Variants in CCDC102A observed in about 807,000 individuals in gnomAD.
The protein encoded by CCDC102A is coiled-coil domain-containing protein 102A.
In CCDC102A, 40 loss-of-function variants were observed where a neutral mutation model predicts 55.5. The ratio of observed to expected loss-of-function variants is 0.72; its 90% CI spans 0.56 to 0.94. The LOEUF is 0.94. Among genes scored for constraint, CCDC102A ranks in the 40% least tolerant of loss-of-function variants. CCDC102A has a pLI of 0.00. For missense variants in CCDC102A, 779 were observed against 768.6 expected, an observed-to-expected ratio of 1.01 and a Z score of -0.16; for synonymous variants, 323 against 339.0, an observed-to-expected ratio of 0.95 and a Z score of 0.52.
Position 57,529,329 on chromosome 16 carries a change from G to A in CCDC102A, c.-147-5C>T. On this transcript the variant is annotated splice_polypyrimidine_tract_variant and splice_region_variant and intron_variant, in intron 1 of 8. Transcript: ENST00000258214. This position sits in a 1 kb window ranked among gnomAD's most constrained non-coding sequence, Gnocchi z 4.1. ...GCGGAGGACGCCTCCTCGGACCTAC[G>A]GGAGAACACAACCGTTATTGGACTG... The A allele has an allele frequency of 9.4e-7, 1 of 1,064,352 alleles. No individual in the cohort carries two copies. The highest frequency in any genetic ancestry group is 1.2e-6 in the Non-Finnish European group (1 of 866,218). The allele number at this position is 1,064,352 out of a possible 1,614,324, so 65.9% of individuals were successfully genotyped here.
At chr16:57,524,215 C>T (rs61595675) in intron 3 of CCDC102A, among the ~76,000 whole-genome samples, 124 of 151,978 alleles carry the variant, frequency 8.2e-4, no homozygotes, top group Middle Eastern at 3.4e-3. Context: ...GACAGCCCTT[C>T]GAGAAGAACA....
At chr16:57,515,771 G>A (rs1288619691) in intron 7 of CCDC102A, among the ~76,000 whole-genome samples, 1 of 150,934 alleles carries the variant, frequency 6.6e-6, no homozygotes, top group African/African-American at 2.4e-5. Context: ...CATGGAGACA[G>A]TCACCCACCA....
In CCDC102A at chr16:57,528,884, CG is replaced by C; in HGVS notation, c.293del (p.Ser98TrpfsTer63). The C allele has an allele frequency of 7.2e-7, 1 of 1,390,862 alleles. No homozygotes were observed. Among genetic ancestry groups the C allele is most frequent in the South Asian group, 1.3e-5 (1 of 74,936 alleles). The allele number at this position is 1,390,862 out of a possible 1,614,324, so 86.2% of individuals were successfully genotyped here. On this transcript the variant is annotated frameshift_variant, in exon 2 of 9. Coordinates refer to ENST00000258214, the MANE Select transcript of CCDC102A (RefSeq NM_033212.4). LOFTEE classifies it high-confidence loss of function. The stretch of plus-strand genomic sequence containing the variant: ...TCTCGCGCCAATTGGCAGTGCAGTC[CG>C]ACCACCGGCGCATGGTCTTCTCCAT... Reference protein sequence around the residue: ...AQMEKTMRRWSDCTANWREKW... With the variant: ...AQMEKTMRRWXDCTANWREKW...
At chr16:57,515,526 C>G in intron 7 of CCDC102A, 82 bp from the exon 8 acceptor site, 1 of 802,998 alleles carries the variant, frequency 1.2e-6, no homozygotes, top group Non-Finnish European at 2.1e-6. Flanking sequence ...AAAACCACTC[C>G]TGCTGTTCCC....
chr16:57,512,678 G>T lies in CCDC102A; in HGVS notation c.*63C>A. 1 of 1,553,588 alleles carries T rather than the reference G, an allele frequency of 6.4e-7. No individual in the cohort carries two copies. ...GCCTAGGCACTGCATCAGTTTGAGT[G>T]GCTGGTTAGCCTGGACCCTGGGCAG... On this transcript the variant is annotated 3_prime_UTR_variant, in exon 9 of 9. Transcript: ENST00000258214.
In CCDC102A at chr16:57,512,559, G is replaced by A; in HGVS notation, c.*182C>T. The A allele has an allele frequency of 2.2e-5, 15 of 674,916 alleles. No individual in the cohort carries two copies. The highest frequency in any genetic ancestry group is 3.2e-5 in the Non-Finnish European group (13 of 400,034). 41.8% of individuals were successfully genotyped at this position (674,916 alleles called of 1,614,324 possible). A position where few individuals can be genotyped will look rare whatever the true frequency, so the allele number is the denominator to read the frequency against. On this transcript the variant is annotated 3_prime_UTR_variant, in exon 9 of 9. Transcript: ENST00000258214. ...GTGTATATATATATATAAAACATAGGCTTCCTTTCCACAGGGCGTTGGTAG... is the reference window on the plus strand; with the variant it reads ...GTGTATATATATATATAAAACATAGACTTCCTTTCCACAGGGCGTTGGTAG...
In CCDC102A at chr16:57,529,244, G is replaced by A; in HGVS notation, c.-67C>T. ...CTCAGGGGCGGCTCCGGGGACGCGC[G>A]GCGGGCGCGATACAACTGTGCATGA... is the stretch of plus-strand genomic sequence containing the variant. On this transcript the variant is annotated 5_prime_UTR_variant, in exon 2 of 9. Transcript: ENST00000258214. This position sits in a 1 kb window ranked among gnomAD's most constrained non-coding sequence, Gnocchi z 4.1. The A allele has an allele frequency of 1.6e-5, 18 of 1,130,016 alleles. No individual in the cohort carries two copies. Among genetic ancestry groups the A allele is most frequent in the Non-Finnish European group, 2.0e-5 (18 of 921,146 alleles). The allele number at this position is 1,130,016 out of a possible 1,614,324, so 70.0% of individuals were successfully genotyped here.
In CCDC102A at chr16:57,516,538, C is replaced by T. The variant is rs1036952337; in HGVS notation, c.1249-75G>A. 7 of 1,272,576 alleles carry T rather than the reference C, an allele frequency of 5.5e-6. No individual in the cohort carries two copies. The highest frequency in any genetic ancestry group is 1.5e-5 in the African/African-American group (1 of 68,616). The allele number at this position is 1,272,576 out of a possible 1,614,324, so 78.8% of individuals were successfully genotyped here. ...TTGGGCGCCATGCCAGGGAGTCCCA[C>T]GAGGTCAGGCAGTTCTAGGGATGCT... On this transcript the variant is annotated intron_variant, in intron 6 of 8. Coordinates refer to ENST00000258214, the MANE Select transcript of CCDC102A (RefSeq NM_033212.4). The surrounding 1 kb of genome is among the most constrained non-coding windows in gnomAD (Gnocchi z 4.4).
intron 2 of CCDC102A, among the ~76,000 whole-genome samples, chr16:57,527,539 C>G (rs1281052267): frequency 6.6e-6 from 1 of 151,914 alleles, no homozygotes; most frequent in Admixed American, 6.6e-5. Context: ...CCTGCCTCAG[C>G]CTTCCGAGTA....
intron 1 of CCDC102A, among the ~76,000 whole-genome samples, chr16:57,533,563 C>T (rs899201195): frequency 2.0e-5 from 3 of 151,824 alleles, no homozygotes; most frequent in Admixed American, 6.6e-5. Context: ...GGGACCTGCA[C>T]TCACACACAG....
chr16:57,527,343 A>T (rs2032153707), intron 2 of CCDC102A, among the ~76,000 whole-genome samples: 1 of 150,888 alleles, frequency 6.6e-6, no homozygotes, highest in African/African-American at 2.4e-5. Flanking sequence ...CCTGATTATT[A>T]CCCTGGACTC....
chr16:57,528,490 G>T (rs2032182411), intron 2 of CCDC102A, 103 bp downstream of exon 2: 2 of 846,504 alleles, frequency 2.4e-6, no homozygotes, highest in African/African-American at 3.7e-5. Context: ...AAACCTCCAG[G>T]AGGCCAGGCC....
rs370434202 is a variant in CCDC102A at position 57,515,370 on chromosome 16, C to G, written c.1494G>C (p.Leu498=). Reference sequence around the variant, plus strand: ...ACTGCAGGTGCTCCAGTTGCACTTGCAGGTTCTCGCTCTGCTCCGTCTGCT... The same window carrying G: ...ACTGCAGGTGCTCCAGTTGCACTTGGAGGTTCTCGCTCTGCTCCGTCTGCT... The part of the protein sequence containing the change: ...LDEQTEQSEN[L]QVQLEHLQSR... The change falls in exon 8 of 9, where the codon CTG becomes CTC. Residue 498 remains leucine (L), a synonymous_variant. Coordinates refer to ENST00000258214, the MANE Select transcript of CCDC102A (RefSeq NM_033212.4). 3 of 1,607,234 alleles carry G rather than the reference C, an allele frequency of 1.9e-6. No homozygotes were observed. The African/African-American group carries it at 4.0e-5, about 21-fold the overall frequency.
chr16:57,528,951 C>G lies in CCDC102A; in HGVS notation c.227G>C (p.Arg76Pro). 7.3e-7 allele frequency: 1 copy of G among 1,374,330 alleles called. No homozygotes were observed. Among genetic ancestry groups the G allele is most frequent in the Non-Finnish European group, 9.5e-7 (1 of 1,051,814 alleles). The allele number at this position is 1,374,330 out of a possible 1,614,324, so 85.1% of individuals were successfully genotyped here. The change falls in exon 2 of 9, where the codon CGG becomes CCG. Residue 76 changes from arginine to proline, a missense_variant. Coordinates refer to ENST00000258214, the MANE Select transcript of CCDC102A (RefSeq NM_033212.4). Reference sequence around the variant, plus strand: ...CCGCGCCTCCTCCAGCTCCCGCAGCCGCAGCTCCTCGCGGCTCTCCCAGTC... The same window carrying G: ...CCGCGCCTCCTCCAGCTCCCGCAGCGGCAGCTCCTCGCGGCTCTCCCAGTC... ...DGDWESREEL[R>P]LRELEEARAR...
chr16:57,533,547 C>G (rs1462730217), intron 1 of CCDC102A, among the ~76,000 whole-genome samples: 1 of 151,082 alleles, frequency 6.6e-6, no homozygotes, highest in Non-Finnish European at 1.5e-5. Context: ...CACACACACA[C>G]CCCCAGGGAC....
At chr16:57,526,289 C>T (rs2032140980) in intron 2 of CCDC102A, among the ~76,000 whole-genome samples, 162 bp from the exon 3 acceptor site, 1 of 152,236 alleles carries the variant, frequency 6.6e-6, no homozygotes, top group South Asian at 2.1e-4. Context: ...AAGACACACC[C>T]TGCTCTGGGC....
intron 8 of CCDC102A, among the ~76,000 whole-genome samples, chr16:57,513,184 TG>T (rs1438975477): frequency 4.7e-4 from 72 of 152,318 alleles, no homozygotes; most frequent in African/African-American, 1.7e-3. Context: ...CTCAAGGTCA[TG>T]CTGCAGGATT....
chr16:57,526,593 GA>G (rs1409927775), intron 2 of CCDC102A, among the ~76,000 whole-genome samples: 2 of 152,210 alleles, frequency 1.3e-5, no homozygotes, highest in Non-Finnish European at 2.9e-5. Flanking sequence ...TCCCAGACAG[GA>G]AGCAGTTGAG....
intron 1 of CCDC102A, among the ~76,000 whole-genome samples, chr16:57,536,062 CCCA>C (rs1384959647): frequency 6.6e-6 from 1 of 152,188 alleles, no homozygotes; most frequent in East Asian, 1.9e-4. Context: ...TCCCGCCCAC[CCCA>C]CCGCATGGCC....
Sources: gnomAD v4.1 joint callset for allele counts (sites outside exome capture counted in the v4.1 genomes callset) on GRCh38, gnomAD v4.1.1 for gene constraint, Gnocchi (gnomAD v3.1) non-coding constraint, MANE v1.5 for transcripts, NCBI Gene and HGNC (gene_info 2026-07-23, HGNC 2026-07-21) for gene names.